The following LGR6 variants were observed in gnomAD, a reference collection of about 807,000 sequenced individuals.
The protein encoded by LGR6 is leucine-rich repeat-containing G protein-coupled receptor 6.
A neutral mutation model predicts 69.4 loss-of-function variants in LGR6; 45 were observed. The observed-to-expected ratio is 0.65, with a 90% CI of 0.51 to 0.83. The LOEUF is 0.83. Among genes scored for constraint, LGR6 ranks in the 40% least tolerant of loss-of-function variants. The probability of loss-of-function intolerance (pLI) is 0.00; values close to 1 mark genes in which losing one functional copy is unlikely to be tolerated. For missense variants in LGR6, 1,108 were observed against 1,246.7 expected, an observed-to-expected ratio of 0.89 and a Z score of 1.68; for synonymous variants, 538 against 555.0, an observed-to-expected ratio of 0.97 and a Z score of 0.43.
At chr1:202,221,775 G>A (rs956537252) in intron 1 of LGR6, among the ~76,000 whole-genome samples, 3 of 152,182 alleles carry the variant, frequency 2.0e-5, no homozygotes, top group African/African-American at 7.2e-5. Flanking sequence ...ACAAGTTCAT[G>A]CAGCCAAGTG....
At chr1:202,197,726 A>G (rs1480403105) in intron 1 of LGR6, among the ~76,000 whole-genome samples, 1 of 152,202 alleles carries the variant, frequency 6.6e-6, no homozygotes, top group Non-Finnish European at 1.5e-5. Flanking sequence ...TTAACTACAA[A>G]AGTATCACCT....
chr1:202,238,849 G>A (rs1202550659), intron 4 of LGR6, among the ~76,000 whole-genome samples: 1 of 152,098 alleles, frequency 6.6e-6, no homozygotes, highest in African/African-American at 2.4e-5. Flanking sequence ...AGCACACGCT[G>A]CAAAGGCACA....
At chr1:202,196,686 G>A (rs2993426) in intron 1 of LGR6, among the ~76,000 whole-genome samples, 51,632 of 152,128 alleles carry the variant, frequency 0.34, 9,112 homozygotes, top group Non-Finnish European at 0.4. Flanking sequence ...CCTGACACCC[G>A]AGGGTAACTC....
rs1161117361 is a variant in LGR6, at chr1:202,268,932, G to A, written c.429-7374G>A. ...TTTGTTTGTTTGTTTTGGAAATAGG[G>A]TCTCACTTTGTTGCCCAGGCTGGAG... On this transcript the variant is annotated intron_variant, in intron 4 of 17. Transcript: ENST00000367278. This position sits in a 1 kb window ranked among gnomAD's most constrained non-coding sequence, Gnocchi z 4.4. Among the ~76,000 whole-genome samples the A allele has an allele frequency of 1.3e-5, 2 of 152,130 alleles. No homozygotes were observed. The highest frequency in any genetic ancestry group is 6.5e-5 in the Admixed American group (1 of 15,274).
At chr1:202,310,095 A>G (rs1271967506) in intron 15 of LGR6, 102 bp from the exon 16 acceptor site, 1 of 1,199,954 alleles carries the variant, frequency 8.3e-7, no homozygotes. Context: ...AAGGACAGAC[A>G]CTGAGTGCCC....
intron 1 of LGR6, among the ~76,000 whole-genome samples, chr1:202,206,593 C>T (rs537934256): frequency 6.6e-4 from 101 of 152,118 alleles, no homozygotes; most frequent in African/African-American, 2.4e-3. Flanking sequence ...ACTGTCACCC[C>T]GGCTGGAGTG....
intron 4 of LGR6, among the ~76,000 whole-genome samples, chr1:202,243,205 T>A (rs999329498): frequency 6.6e-6 from 1 of 152,194 alleles, no homozygotes; most frequent in African/African-American, 2.4e-5. Flanking sequence ...CCAGGGTACC[T>A]GCTCCCAGAG....
chr1:202,219,790 C>A (rs1380746670), intron 1 of LGR6, among the ~76,000 whole-genome samples: 1 of 152,118 alleles, frequency 6.6e-6, no homozygotes, highest in Non-Finnish European at 1.5e-5. Flanking sequence ...CTGTGTCATT[C>A]TATACTAATA....
intron 4 of LGR6, among the ~76,000 whole-genome samples, chr1:202,259,836 C>A (rs1233366729): frequency 6.6e-6 from 1 of 152,184 alleles, no homozygotes; most frequent in Non-Finnish European, 1.5e-5. Flanking sequence ...CTTTGTCCTG[C>A]AGCCTGGACA....
chr1:202,313,656 C>A (rs752937026), intron 16 of LGR6, among the ~76,000 whole-genome samples: 1 of 152,122 alleles, frequency 6.6e-6, no homozygotes, highest in Non-Finnish European at 1.5e-5. Flanking sequence ...AATAAGAACT[C>A]AAGAAATGTT....
intron 6 of LGR6, among the ~76,000 whole-genome samples, chr1:202,296,236 T>G (rs1209025141): frequency 6.6e-6 from 1 of 151,968 alleles, no homozygotes; most frequent in Non-Finnish European, 1.5e-5. Context: ...TAACTAAGTC[T>G]TCCCCCAACC....
At chr1:202,301,132 C>T (rs764363529) in intron 8 of LGR6, 32 bp from the exon 9 acceptor site, 10 of 1,606,894 alleles carry the variant, frequency 6.2e-6, no homozygotes, top group Non-Finnish European at 8.5e-6. Flanking sequence ...GCCTGAAAAA[C>T]CCAATTAGGT....
chr1:202,304,836 C>T, intron 11 of LGR6, among the ~76,000 whole-genome samples: 1 of 152,156 alleles, frequency 6.6e-6, no homozygotes, highest in East Asian at 1.9e-4. Context: ...TGGACTCACT[C>T]TTTAAAGTCT....
rs150296775 is a variant in LGR6 at position 202,194,067 on chromosome 1, C to A, written c.78C>A (p.Pro26=). The change falls in exon 1 of 18, where the codon CCC becomes CCA. Residue 26 remains proline (P), a synonymous_variant. Coordinates refer to ENST00000367278, the MANE Select transcript of LGR6 (RefSeq NM_001017403.2). ...CTTCCCGGAGGGCCGGCGGCGCCCCCCAGCCCGGCCCGGGGCCCACCGCCT... is the reference window on the plus strand; with the variant it reads ...CTTCCCGGAGGGCCGGCGGCGCCCCACAGCCCGGCCCGGGGCCCACCGCCT... ...LCASRRAGGA[P]QPGPGPTACP... The A allele has an allele frequency of 2.1e-6, 3 of 1,442,274 alleles. No individual in the cohort carries two copies. Among genetic ancestry groups the A allele is most frequent in the Admixed American group, 5.5e-5 (2 of 36,454 alleles). The allele number at this position is 1,442,274 out of a possible 1,614,324, so 89.3% of individuals were successfully genotyped here. A position where few individuals can be genotyped will look rare whatever the true frequency, so the allele number is the denominator to read the frequency against.
intron 10 of LGR6, among the ~76,000 whole-genome samples, chr1:202,303,761 G>A (rs1340207941): frequency 1.3e-5 from 2 of 152,122 alleles, no homozygotes; most frequent in Non-Finnish European, 2.9e-5. Flanking sequence ...GAGTGCCGAC[G>A]CATAGTAGGC....
At chr1:202,198,696 T>A (rs1216457633) in intron 1 of LGR6, among the ~76,000 whole-genome samples, 1 of 137,764 alleles carries the variant, frequency 7.3e-6, no homozygotes, top group African/African-American at 2.9e-5. Flanking sequence ...TTTTTTTTTT[T>A]AAGAGTACAG....
intron 1 of LGR6, among the ~76,000 whole-genome samples, chr1:202,209,669 T>C (rs903740752): frequency 6.6e-6 from 1 of 152,258 alleles, no homozygotes; most frequent in African/African-American, 2.4e-5. Context: ...GGAGGTTTAT[T>C]CTATGGATTC....
rs762890791 is a variant in LGR6, at chr1:202,314,858, A to G, written c.1624A>G (p.Ser542Gly). The G allele has an allele frequency of 4.3e-6, 7 of 1,613,838 alleles. No individual in the cohort carries two copies. Among genetic ancestry groups the G allele is most frequent in the Non-Finnish European group, 3.4e-6 (4 of 1,179,864 alleles). ...LEMEDSKPHPSVQCSPTPGPF... is the reference protein window; with the variant it reads ...LEMEDSKPHPGVQCSPTPGPF... ...GATGGAGGACTCAAAGCCACACCCC[A>G]GTGTCCAGTGTAGCCCTACTCCAGG... Residue 542 changes from serine (S) to glycine (G), a missense_variant, in exon 17 of 18, where the codon AGT becomes GGT. Ser to Gly is a moderately conservative substitution (Grantham distance 56, BLOSUM62 0). Transcript: ENST00000367278.
intron 16 of LGR6, among the ~76,000 whole-genome samples, chr1:202,310,747 A>G (rs961411922): frequency 3.9e-5 from 6 of 152,204 alleles, no homozygotes; most frequent in African/African-American, 7.2e-5. Flanking sequence ...ATCTGAGCCA[A>G]TAGGATTTAA....
Sources: allele counts gnomAD v4.1 joint callset (sites outside exome capture counted in the v4.1 genomes callset), GRCh38; gene constraint gnomAD v4.1.1; non-coding constraint Gnocchi (gnomAD v3.1); transcripts MANE v1.5; gene names NCBI Gene and HGNC (gene_info 2026-07-23, HGNC 2026-07-21).